HSD17B12: variants seen among roughly 807,000 people sequenced by gnomAD.
HSD17B12 encodes the protein hydroxysteroid 17-beta dehydrogenase 12, also known as very-long-chain 3-oxoacyl-CoA reductase.
HSD17B12 carries 32 observed loss-of-function variants against 39.3 expected under a neutral mutation model. The observed-to-expected ratio is 0.81, with a 90% CI of 0.61 to 1.09. HSD17B12 has a LOEUF of 1.09. Among genes scored for constraint, HSD17B12 ranks in the 50% least tolerant of loss-of-function variants. The probability of loss-of-function intolerance (pLI) is 0.00; values close to 1 mark genes in which losing one functional copy is unlikely to be tolerated. For synonymous variants in HSD17B12, 150 were observed against 146.7 expected (o/e 1.02, Z -0.16); for missense variants, 342 against 382.9 (o/e 0.89, Z 0.89).
chr11:43,678,915 C>T (rs565658743), upstream of HSD17B12, among the ~76,000 whole-genome samples: 3 of 152,216 alleles, frequency 2.0e-5, no homozygotes, highest in South Asian at 2.1e-4. Context: ...CTTGGCAATG[C>T]GGGCTCTTTT....
At chr11:43,800,786 CTCATTCATTCAT>C (rs200539231) in intron 4 of HSD17B12, among the ~76,000 whole-genome samples, 3 of 152,016 alleles carry the variant, frequency 2.0e-5, no homozygotes, top group African/African-American at 7.2e-5. Flanking sequence ...TGTGCCCCTC[CTCATTCATTCAT>C]TCATTCATTC....
At chr11:43,588,309 T>C in the HSD17B12 span, among the ~76,000 whole-genome samples, 8 of 152,196 alleles carry the variant, frequency 5.3e-5, no homozygotes, top group Admixed American at 3.3e-4. Context: ...AAGTGATCCA[T>C]CTTTGAAAGA....
At chr11:43,672,143 G>T in the HSD17B12 span, among the ~76,000 whole-genome samples, 4 of 152,102 alleles carry the variant, frequency 2.6e-5, no homozygotes, top group African/African-American at 9.7e-5. Flanking sequence ...CTGCCTCCCG[G>T]GTTCACGCCA....
chr11:43,618,566 C>A, the HSD17B12 span, among the ~76,000 whole-genome samples: 1 of 152,122 alleles, frequency 6.6e-6, no homozygotes, highest in Non-Finnish European at 1.5e-5. Context: ...TGAGAGTCAC[C>A]CATGGTAATA....
chr11:43,747,021 A>T (rs1157313667), intron 1 of HSD17B12, among the ~76,000 whole-genome samples: 3 of 152,230 alleles, frequency 2.0e-5, no homozygotes, highest in African/African-American at 7.2e-5. Context: ...TCAGTGGCTA[A>T]TAGGTGTTAG....
chr11:43,570,197 T>C, the HSD17B12 span: 1 of 152,506 alleles, frequency 6.6e-6, no homozygotes, highest in Admixed American at 6.6e-5. Flanking sequence ...TGTGATGTAA[T>C]TGAAACCACA....
chr11:43,767,125 T>C (rs1950602463), intron 3 of HSD17B12, among the ~76,000 whole-genome samples: 2 of 152,200 alleles, frequency 1.3e-5, no homozygotes, highest in Non-Finnish European at 1.5e-5. Context: ...CTCAACATAT[T>C]TGCCTATGTT....
At chr11:43,705,880 AG>A (rs1950010318) in intron 1 of HSD17B12, among the ~76,000 whole-genome samples, 1 of 145,468 alleles carries the variant, frequency 6.9e-6, no homozygotes, top group South Asian at 2.2e-4. Flanking sequence ...TTCCCACCTC[AG>A]CCTCTCTAGT....
chr11:43,696,393 G>A (rs1358057273), intron 1 of HSD17B12, among the ~76,000 whole-genome samples: 2 of 152,228 alleles, frequency 1.3e-5, no homozygotes, highest in Non-Finnish European at 2.9e-5. Flanking sequence ...AGACATTTAT[G>A]TGGCCAAGAA....
chr11:43,690,384 A>ATTT (rs1565049652), intron 1 of HSD17B12, among the ~76,000 whole-genome samples: 2 of 11,150 alleles, frequency 1.8e-4, no homozygotes, highest in African/African-American at 2.7e-4. Flanking sequence ...ATATATATAT[A>ATTT]TATATATATA....
chr11:43,646,221 T>C, the HSD17B12 span: 1 of 152,216 alleles, frequency 6.6e-6, no homozygotes, highest in Non-Finnish European at 1.5e-5. Context: ...TGTGATTCTG[T>C]TGAAACTGAT....
intron 4 of HSD17B12, chr11:43,806,596 A>C (rs761602472): frequency 3.9e-5 from 6 of 152,190 alleles, no homozygotes; most frequent in Non-Finnish European, 8.8e-5. Context: ...CAAGCCCAGA[A>C]AGGCAAATAT....
the HSD17B12 span, chr11:43,644,302 G>A: frequency 6.6e-6 from 1 of 152,246 alleles, no homozygotes; most frequent in East Asian, 1.9e-4. Context: ...GGAGGGTTTG[G>A]GGGGCTGTCG....
intron 5 of HSD17B12, 51 bp from the exon 6 acceptor site, chr11:43,816,296 G>T: frequency 1.5e-6 from 2 of 1,366,178 alleles, no homozygotes; most frequent in South Asian, 1.4e-5. Flanking sequence ...ATATCTAATA[G>T]GGTCACTTTC....
In HSD17B12 at chr11:43,755,044, T is replaced by C. The variant is rs924643476; in HGVS notation, c.283+923T>C. 1.1e-5 allele frequency: 5 copies of C among 472,742 alleles called. No homozygotes were observed. The Admixed American group carries it at 1.2e-4, about 12-fold the overall frequency. 29.3% of individuals were successfully genotyped at this position (472,742 alleles called of 1,614,324 possible). A position where few individuals can be genotyped will look rare whatever the true frequency, so the allele number is the denominator to read the frequency against. ...AGGAAGCTTCTGTGTATAATGCTTA[T>C]ATACTTTTATCCTCACAAATCAAAT... On this transcript the variant is annotated intron_variant, in intron 3 of 10. Coordinates refer to ENST00000278353, the MANE Select transcript of HSD17B12 (RefSeq NM_016142.3).
the HSD17B12 span, among the ~76,000 whole-genome samples, chr11:43,613,391 C>CAA: frequency 1.4e-5 from 2 of 138,130 alleles, no homozygotes; most frequent in African/African-American, 5.4e-5. Flanking sequence ...AACTCTGTCT[C>CAA]AAAAAAAAAA....
At chr11:43,598,799 C>T in the HSD17B12 span, among the ~76,000 whole-genome samples, 16 of 152,170 alleles carry the variant, frequency 1.1e-4, no homozygotes, top group African/African-American at 2.9e-4. Flanking sequence ...CTCAGTCAGA[C>T]CTCAGGATGA....
At chr11:43,720,238 C>T (rs1950164705) in intron 1 of HSD17B12, among the ~76,000 whole-genome samples, 1 of 152,134 alleles carries the variant, frequency 6.6e-6, no homozygotes, top group Non-Finnish European at 1.5e-5. Context: ...TAAACAGGTC[C>T]TTCTTTAGTT....
intron 1 of HSD17B12, among the ~76,000 whole-genome samples, chr11:43,749,895 G>A (rs1191532676): frequency 6.6e-6 from 1 of 152,010 alleles, no homozygotes; most frequent in Non-Finnish European, 1.5e-5. Flanking sequence ...ATCCCTTTTT[G>A]AAGCAGACAT....
Sources: allele counts gnomAD v4.1 joint callset (sites outside exome capture counted in the v4.1 genomes callset), GRCh38; gene constraint gnomAD v4.1.1; transcripts MANE v1.5; gene names NCBI Gene and HGNC (gene_info 2026-07-23, HGNC 2026-07-21).